The following AKAP19 variants were observed in gnomAD, a reference collection of about 807,000 sequenced individuals.
AKAP19 encodes A-kinase anchoring protein 19, also known as small A-kinase anchoring protein.
the AKAP19 span, among the ~76,000 whole-genome samples, chr2:190,136,383 G>C: frequency 6.6e-6 from 1 of 152,194 alleles, no homozygotes; most frequent in Non-Finnish European, 1.5e-5. Flanking sequence ...GTCTTGATAA[G>C]CTGGAGCTGC....
chr2:189,895,569 A>C, the AKAP19 span, among the ~76,000 whole-genome samples: 2 of 152,104 alleles, frequency 1.3e-5, no homozygotes, highest in Non-Finnish European at 2.9e-5. Flanking sequence ...CTTTTTCTCC[A>C]GTTCTAACTC....
chr2:190,159,484 C>T, the AKAP19 span, among the ~76,000 whole-genome samples: 1 of 152,192 alleles, frequency 6.6e-6, no homozygotes, highest in Non-Finnish European at 1.5e-5. Context: ...GAATTCAGGA[C>T]ATGCCCTACT....
At chr2:190,139,512 CT>C in the AKAP19 span, among the ~76,000 whole-genome samples, 5 of 152,134 alleles carry the variant, frequency 3.3e-5, no homozygotes, top group African/African-American at 1.2e-4. Context: ...ACTCACTGTT[CT>C]GCAGGGCTGG....
At chr2:189,914,624 A>C in the AKAP19 span, among the ~76,000 whole-genome samples, 1 of 152,066 alleles carries the variant, frequency 6.6e-6, no homozygotes, top group South Asian at 2.1e-4. Context: ...TTATGTTTTA[A>C]TTCTTATATT....
chr2:189,942,800 C>T, the AKAP19 span, among the ~76,000 whole-genome samples: 149 of 152,310 alleles, frequency 9.8e-4, no homozygotes, highest in African/African-American at 3.5e-3. Context: ...CCGTAGGAAT[C>T]TGTGGAAGTT....
chr2:189,967,360 C>T, the AKAP19 span, among the ~76,000 whole-genome samples: 1 of 152,178 alleles, frequency 6.6e-6, no homozygotes, highest in Admixed American at 6.5e-5. Context: ...TTTCCCTGAA[C>T]TTGTACACCT....
the AKAP19 span, among the ~76,000 whole-genome samples, chr2:190,011,330 G>T: frequency 6.6e-6 from 1 of 152,030 alleles, no homozygotes; most frequent in South Asian, 2.1e-4. Flanking sequence ...CAAAGGGCTG[G>T]GATTACTGGC....
the AKAP19 span, among the ~76,000 whole-genome samples, chr2:189,993,815 T>C: frequency 3.3e-5 from 5 of 152,184 alleles, no homozygotes; most frequent in Non-Finnish European, 5.9e-5. Context: ...ATAGTGGTCT[T>C]GAATGATCTT....
At chr2:190,074,495 A>T in the AKAP19 span, among the ~76,000 whole-genome samples, 1 of 152,088 alleles carries the variant, frequency 6.6e-6, no homozygotes, top group Non-Finnish European at 1.5e-5. Context: ...TACTAAAAAT[A>T]CAAAAATTAG....
the AKAP19 span, among the ~76,000 whole-genome samples, chr2:190,151,142 G>A: frequency 1.3e-4 from 19 of 151,918 alleles, no homozygotes; most frequent in Admixed American, 1.2e-3. Context: ...TTTGCTAATG[G>A]GATATTTTTG....
chr2:190,081,548 T>C, the AKAP19 span, among the ~76,000 whole-genome samples: 5 of 152,222 alleles, frequency 3.3e-5, no homozygotes, highest in African/African-American at 1.2e-4. Flanking sequence ...TTTGACTTTT[T>C]CATATTTTGC....
the AKAP19 span, among the ~76,000 whole-genome samples, chr2:190,125,498 C>G: frequency 6.6e-6 from 1 of 152,100 alleles, no homozygotes; most frequent in Non-Finnish European, 1.5e-5. Flanking sequence ...GATTTTTTCA[C>G]TTGATTTTGG....
the AKAP19 span, among the ~76,000 whole-genome samples, chr2:190,073,759 C>T: frequency 5.3e-5 from 8 of 151,526 alleles, no homozygotes; most frequent in Admixed American, 3.9e-4. Flanking sequence ...AAAAAAAAAA[C>T]TGCAGATATC....
the AKAP19 span, among the ~76,000 whole-genome samples, chr2:189,990,282 G>T: frequency 8.9e-4 from 136 of 152,178 alleles, no homozygotes; most frequent in Non-Finnish European, 1.7e-3. Flanking sequence ...CCCTTTATCA[G>T]ATTGAGGACA....
the AKAP19 span, among the ~76,000 whole-genome samples, chr2:190,015,320 C>A: frequency 6.6e-6 from 1 of 152,206 alleles, no homozygotes; most frequent in East Asian, 1.9e-4. Flanking sequence ...TCTGTGCACT[C>A]ATGGGCCCAA....
At chr2:190,107,937 A>G in the AKAP19 span, among the ~76,000 whole-genome samples, 1 of 152,214 alleles carries the variant, frequency 6.6e-6, no homozygotes, top group Non-Finnish European at 1.5e-5. Context: ...TGTGGCTTAG[A>G]GAAGTTAAGT....
At chr2:190,090,600 G>T in the AKAP19 span, among the ~76,000 whole-genome samples, 7 of 152,174 alleles carry the variant, frequency 4.6e-5, no homozygotes, top group African/African-American at 7.2e-5. Flanking sequence ...ATATAACCAA[G>T]TTAGCTGCCA....
At chr2:190,050,770 G>A in the AKAP19 span, among the ~76,000 whole-genome samples, 3 of 152,160 alleles carry the variant, frequency 2.0e-5, no homozygotes, top group African/African-American at 4.8e-5. Flanking sequence ...ATGAGCCAAT[G>A]ACAGGAGACA....
the AKAP19 span, among the ~76,000 whole-genome samples, chr2:190,125,855 G>A: frequency 6.6e-6 from 1 of 151,934 alleles, no homozygotes; most frequent in African/African-American, 2.4e-5. Context: ...ATTCCCAGAG[G>A]TATAGATTTT....
Sources: gnomAD v4.1 joint callset for allele counts (sites outside exome capture counted in the v4.1 genomes callset) on GRCh38, gnomAD v4.1.1 for gene constraint, MANE v1.5 for transcripts, NCBI Gene and HGNC (gene_info 2026-07-23, HGNC 2026-07-21) for gene names.